GRIK1: variants seen among roughly 807,000 people sequenced by gnomAD.
GRIK1 encodes the protein glutamate receptor ionotropic, kainate 1.
In GRIK1, 69 loss-of-function variants were observed where a neutral mutation model predicts 105.7. That is an observed-to-expected ratio of 0.65 (90% CI 0.54 to 0.80). The LOEUF is 0.80. GRIK1 is among the 30% of genes least tolerant of loss of function. The pLI, the probability that GRIK1 is intolerant of heterozygous loss-of-function variation, is 0.00. For missense variants in GRIK1, 1,109 were observed against 1,167.3 expected (o/e 0.95, Z 0.73); for synonymous variants, 438 against 431.3 (o/e 1.02, Z -0.19).
chr21:29,834,846 A>AATATTGAATATTATTTTATTTATT (rs1218122598), intron 1 of GRIK1, among the ~76,000 whole-genome samples: 5 of 150,610 alleles, frequency 3.3e-5, no homozygotes, highest in African/African-American at 1.2e-4. Flanking sequence ...ATTCAATATT[A>AATATTGAATATTATTTTATTTATT]CAATTGAATA....
At chr21:29,625,489 G>A (rs566099780) in intron 7 of GRIK1, among the ~76,000 whole-genome samples, 45 of 152,032 alleles carry the variant, frequency 3.0e-4, no homozygotes, top group Non-Finnish European at 5.9e-4. Context: ...CAAGAGTGGA[G>A]TGTTCTTCCC....
intron 1 of GRIK1, among the ~76,000 whole-genome samples, chr21:29,745,864 G>A (rs2065035415): frequency 6.6e-6 from 1 of 152,302 alleles, no homozygotes; most frequent in Non-Finnish European, 1.5e-5. Context: ...AGCATTTTGG[G>A]AGGCCAAGGC....
At chr21:29,846,507 AAG>A (rs2068130118) in intron 1 of GRIK1, among the ~76,000 whole-genome samples, 1 of 147,264 alleles carries the variant, frequency 6.8e-6, no homozygotes, top group Non-Finnish European at 1.5e-5. Flanking sequence ...GAAAGAAAGA[AAG>A]AAAGAAAGAA....
chr21:29,898,116 A>C (rs1313062371), intron 1 of GRIK1, among the ~76,000 whole-genome samples: 1 of 152,188 alleles, frequency 6.6e-6, no homozygotes, highest in African/African-American at 2.4e-5. Context: ...TCTTGGGTGA[A>C]TATCACAAGA....
intron 1 of GRIK1, among the ~76,000 whole-genome samples, chr21:29,882,444 C>T (rs940787922): frequency 4.6e-5 from 7 of 152,016 alleles, no homozygotes; most frequent in African/African-American, 1.2e-4. Flanking sequence ...AAATACTCCA[C>T]GATTGAGAAG....
chr21:29,932,099 G>A (rs1037843302), intron 1 of GRIK1, among the ~76,000 whole-genome samples: 6 of 152,110 alleles, frequency 3.9e-5, no homozygotes, highest in Non-Finnish European at 7.4e-5. Flanking sequence ...ACAGTTGATA[G>A]GCTGTTGTAT....
At chr21:29,574,442 C>T (rs2090834242) in intron 14 of GRIK1, among the ~76,000 whole-genome samples, 1 of 152,094 alleles carries the variant, frequency 6.6e-6, no homozygotes, top group South Asian at 2.1e-4. Flanking sequence ...TCAGATATAC[C>T]AAATTCTATC....
At position 29,614,345 on chromosome 21, in the gene GRIK1, T is replaced by C. The variant is rs554682833; in HGVS notation, c.1099-15408A>G. Among the ~76,000 whole-genome samples, 3 of 152,116 alleles carry C rather than the reference T, an allele frequency of 2.0e-5. No homozygotes were observed. The East Asian group carries it at 5.8e-4, about 29-fold the overall frequency. On this transcript the variant is annotated intron_variant, in intron 7 of 17. Coordinates refer to ENST00000327783, the MANE Select transcript of GRIK1 (RefSeq NM_001330994.2). ...ATAACTTGCTTTGTGTTTCAGATTC[T>C]TCATAAGAGCACTTTCCTGGAACAA...
chr21:29,741,994 G>T (rs747348979), intron 1 of GRIK1, among the ~76,000 whole-genome samples: 30 of 152,146 alleles, frequency 2.0e-4, no homozygotes, highest in African/African-American at 2.7e-4. Flanking sequence ...CATGGAGAAG[G>T]TACAATGGCC....
In GRIK1 at chr21:29,684,674, AT is replaced by A. The variant is rs543181077; in HGVS notation, c.544+5053del. Among the ~76,000 whole-genome samples the A allele has an allele frequency of 1.4e-4, 21 of 151,110 alleles. No homozygotes were observed. The East Asian group carries it at 3.3e-3, about 24-fold the overall frequency. On this transcript the variant is annotated intron_variant, in intron 3 of 17. Coordinates refer to ENST00000327783, the MANE Select transcript of GRIK1 (RefSeq NM_001330994.2). ...AGGCGCCCGCCACCACGCCAGGCTA[AT>A]TTTTTTTTGTATTTTTAGTAGAGAC...
chr21:29,791,102 G>T (rs1361730483), intron 1 of GRIK1, among the ~76,000 whole-genome samples: 2 of 152,194 alleles, frequency 1.3e-5, no homozygotes, highest in Non-Finnish European at 2.9e-5. Context: ...ACAGAAAGCA[G>T]ATCACTGTGG....
chr21:29,607,764 G>C (rs1383929223), intron 7 of GRIK1, among the ~76,000 whole-genome samples: 1 of 152,036 alleles, frequency 6.6e-6, no homozygotes, highest in Non-Finnish European at 1.5e-5. Context: ...CCTGAAAAGA[G>C]GCTAGTTAAT....
chr21:29,726,801 T>A (rs1017795502), intron 1 of GRIK1, among the ~76,000 whole-genome samples: 2 of 151,812 alleles, frequency 1.3e-5, no homozygotes, highest in African/African-American at 4.8e-5. Flanking sequence ...TATAGGTATA[T>A]ACATATGTAT....
intron 14 of GRIK1, among the ~76,000 whole-genome samples, chr21:29,573,624 T>TG (rs1334745400): frequency 2.6e-5 from 4 of 151,670 alleles, no homozygotes; most frequent in African/African-American, 9.7e-5. Flanking sequence ...CCGAGACAGG[T>TG]GGATCACTTG....
In GRIK1 at chr21:29,542,032, A is replaced by AGTGT. The variant is rs66476053; in HGVS notation, c.2608-4152_2608-4149dup. ...CTGACATTATCCAAAAATAATGTAG[A>AGTGT]GTGTGTGTGTGTGTGTGTGTGTGAC... On this transcript the variant is annotated intron_variant, in intron 16 of 17. Coordinates refer to ENST00000327783, the MANE Select transcript of GRIK1 (RefSeq NM_001330994.2). Among the ~76,000 whole-genome samples the AGTGT allele has an allele frequency of 2.6e-3, 398 of 150,584 alleles. 1 individual carries two copies. Among genetic ancestry groups the AGTGT allele is most frequent in the African/African-American group, 7.8e-3 (319 of 41,008 alleles).
chr21:29,587,964 CTTT>C (rs568648777), intron 11 of GRIK1, among the ~76,000 whole-genome samples: 93 of 65,394 alleles, frequency 1.4e-3, no homozygotes, highest in Middle Eastern at 0.02. Flanking sequence ...CTTTAAAATT[CTTT>C]TTTTTTTTTT....
chr21:29,788,294 G>A (rs187451511), intron 1 of GRIK1, among the ~76,000 whole-genome samples: 3 of 152,290 alleles, frequency 2.0e-5, no homozygotes, highest in Admixed American at 1.3e-4. Context: ...TGGTCAAGAC[G>A]GGCATTGCGA....
chr21:29,732,937 C>G (rs780842300), intron 1 of GRIK1, among the ~76,000 whole-genome samples: 1 of 152,056 alleles, frequency 6.6e-6, no homozygotes, highest in Non-Finnish European at 1.5e-5. Flanking sequence ...AAAAATGCCA[C>G]GGAAAATGGT....
chr21:29,755,465 G>A (rs2065312500), intron 1 of GRIK1, among the ~76,000 whole-genome samples: 1 of 152,216 alleles, frequency 6.6e-6, no homozygotes, highest in Admixed American at 6.5e-5. Context: ...ACCCTAACAG[G>A]TGAATACCAC....
Sources: gnomAD v4.1 joint callset for allele counts (sites outside exome capture counted in the v4.1 genomes callset) on GRCh38, gnomAD v4.1.1 for gene constraint, MANE v1.5 for transcripts, NCBI Gene and HGNC (gene_info 2026-07-23, HGNC 2026-07-21) for gene names.